Variants in PTPN23 observed in about 807,000 individuals in gnomAD.
PTPN23 encodes the protein protein tyrosine phosphatase non-receptor type 23, also known as tyrosine-protein phosphatase non-receptor type 23.
In PTPN23, 72 loss-of-function variants were observed where a neutral mutation model predicts 156.3. The ratio of observed to expected loss-of-function variants is 0.46; its 90% confidence interval spans 0.38 to 0.56. The LOEUF is 0.56. Among genes scored for constraint, PTPN23 ranks in the 20% least tolerant of loss-of-function variants. The pLI, the probability that PTPN23 is intolerant of heterozygous loss-of-function variation, is 0.00. For missense variants in PTPN23, 1,974 were observed against 2,171.5 expected, an observed-to-expected ratio of 0.91 and a Z score of 1.81; for synonymous variants, 957 against 899.6, an observed-to-expected ratio of 1.06 and a Z score of -1.14.
chr3:47,413,179 G>A lies in PTPN23; in HGVS notation c.4905G>A (p.Lys1635=). 1.2e-6 allele frequency: 2 copies of A among 1,608,728 alleles called. No individual in the cohort carries two copies. The highest frequency in any genetic ancestry group is 8.5e-7 in the Non-Finnish European group (1 of 1,177,388). ...TGGATCCACTCTGGACACTCAACAA[G>A]ACCTGAACAGGTTTTGCCTACCTGG... ...SLLDPLWTLN[K]T Residue 1635 remains lysine, a synonymous_variant, in exon 25 of 25, where the codon AAG becomes AAA. Coordinates refer to ENST00000265562, the MANE Select transcript of PTPN23 (RefSeq NM_015466.4).
intron 1 of PTPN23, among the ~76,000 whole-genome samples, chr3:47,385,576 G>A (rs1013209957): frequency 8.5e-5 from 13 of 152,160 alleles, no homozygotes; most frequent in African/African-American, 3.1e-4. Flanking sequence ...TACTTAGGAG[G>A]CTGAGGTGGG....
rs530166498 is a variant in PTPN23, at chr3:47,401,136, C to T, written c.160-3516C>T. Reference sequence around the variant, plus strand: ...CAGGGTGGTCTTGATCTCCTGACCTCGTGATCCGCCTGCCTCGGCCTCCCA... The same window carrying T: ...CAGGGTGGTCTTGATCTCCTGACCTTGTGATCCGCCTGCCTCGGCCTCCCA... On this transcript the variant is annotated intron_variant, in intron 2 of 24. Coordinates refer to ENST00000265562, the MANE Select transcript of PTPN23 (RefSeq NM_015466.4). Among the ~76,000 whole-genome samples the T allele has an allele frequency of 1.0e-3, 152 of 150,504 alleles. 3 individuals carry two copies. The highest frequency in any genetic ancestry group is 3.5e-3 in the African/African-American group (142 of 40,844).
At chr3:47,382,643 C>G (rs11708090) in intron 1 of PTPN23, among the ~76,000 whole-genome samples, 1 of 140,066 alleles carries the variant, frequency 7.1e-6, no homozygotes, top group Admixed American at 7.3e-5. Context: ...ATGAATTTTT[C>G]TAAGACACAA....
chr3:47,398,563 AG>A (rs978645545), intron 2 of PTPN23, among the ~76,000 whole-genome samples: 1 of 150,616 alleles, frequency 6.6e-6, no homozygotes, highest in Non-Finnish European at 1.5e-5. Flanking sequence ...GTAAACTTAA[AG>A]TTTTTTTTTT....
In PTPN23 at chr3:47,412,280, C is replaced by T; in HGVS notation, c.4179-3C>T. ...CCGGCCTCATAACCCCTTCTTGGCA[C>T]AGCTCTGGTGTGGGCCGCACGGGAG... On this transcript the variant is annotated splice_region_variant and splice_polypyrimidine_tract_variant and intron_variant, in intron 22 of 24. Transcript: ENST00000265562. 6.2e-7 allele frequency: 1 copy of T among 1,613,058 alleles called. No homozygotes were observed. The highest frequency in any genetic ancestry group is 1.1e-5 in the South Asian group (1 of 91,084).
rs775821845 is a variant in PTPN23 at position 47,409,776 on chromosome 3, G to A, written c.2071G>A (p.Glu691Lys). ...GGAGAGCAAGGTGGCTGCTCTGCTG[G>A]AGCGCACGCAGTCCACCTGCCAGGC... ...DLESKVAALLERTQSTCQARE... is the reference protein window; with the variant it reads ...DLESKVAALLKRTQSTCQARE... The change falls in exon 19 of 25, where the codon GAG becomes AAG. Residue 691 changes from glutamate to lysine, a missense_variant. Coordinates refer to ENST00000265562, the MANE Select transcript of PTPN23 (RefSeq NM_015466.4). 4 of 1,608,186 alleles carry A rather than the reference G, an allele frequency of 2.5e-6. No homozygotes were observed. The highest frequency in any genetic ancestry group is 3.4e-6 in the Non-Finnish European group (4 of 1,179,480).
Position 47,407,492 on chromosome 3 carries a change from T to C in PTPN23, c.924-13T>C, listed in dbSNP as rs1324240363. The C allele has an allele frequency of 6.8e-6, 11 of 1,613,442 alleles. No homozygotes were observed. The highest frequency in any genetic ancestry group is 9.3e-6 in the Non-Finnish European group (11 of 1,179,452). On this transcript the variant is annotated splice_polypyrimidine_tract_variant and intron_variant, in intron 11 of 24. Coordinates refer to ENST00000265562, the MANE Select transcript of PTPN23 (RefSeq NM_015466.4). The surrounding 1 kb of genome is among the most constrained non-coding windows in gnomAD (Gnocchi z 4.0). ...CCCCGTGACTGCCCACTCCCCCTGC[T>C]CCTGATCCCCAGGTACAATTCTGCC...
intron 1 of PTPN23, among the ~76,000 whole-genome samples, chr3:47,385,729 A>G (rs1488658971): frequency 6.6e-6 from 1 of 152,152 alleles, no homozygotes; most frequent in African/African-American, 2.4e-5. Flanking sequence ...CTAGTAATCT[A>G]CACAGTAACC....
intron 1 of PTPN23, among the ~76,000 whole-genome samples, chr3:47,390,595 A>G (rs1704753941): frequency 6.6e-6 from 1 of 152,122 alleles, no homozygotes; most frequent in Non-Finnish European, 1.5e-5. Flanking sequence ...AGAGTCCCAG[A>G]CCATAGCGAA....
At chr3:47,412,052 G>A in intron 21 of PTPN23, 42 bp from the exon 22 acceptor site, 1 of 1,611,462 alleles carries the variant, frequency 6.2e-7, no homozygotes, top group Non-Finnish European at 8.5e-7. Context: ...CTCAGGTCAG[G>A]CCTGGCTCAT....
intron 2 of PTPN23, among the ~76,000 whole-genome samples, chr3:47,399,704 T>C (rs1406010775): frequency 6.6e-6 from 1 of 152,222 alleles, no homozygotes; most frequent in African/African-American, 2.4e-5. Context: ...TTCAGACCTG[T>C]GCTTTTCCAG....
rs181985991 is a variant in PTPN23, at chr3:47,394,616, C to G, written c.85-1527C>G. On this transcript the variant is annotated intron_variant, in intron 1 of 24. Transcript: ENST00000265562. Reference sequence around the variant, plus strand: ...GGCCACCCAAAGTGTTGGGATTACACGCTTGAGCCACCTCACCCGGCCAGG... The same window carrying G: ...GGCCACCCAAAGTGTTGGGATTACAGGCTTGAGCCACCTCACCCGGCCAGG... Among the ~76,000 whole-genome samples the G allele has an allele frequency of 6.1e-3, 923 of 152,246 alleles. 9 individuals are homozygous for G. Among genetic ancestry groups the G allele is most frequent in the Middle Eastern group, 0.024 (7 of 294 alleles).
intron 1 of PTPN23, among the ~76,000 whole-genome samples, chr3:47,387,434 C>T (rs1418208101): frequency 6.8e-6 from 1 of 146,634 alleles, no homozygotes; most frequent in African/African-American, 2.5e-5. Context: ...AAAGGTCAGG[C>T]GTGGTGTGGT....
rs1245814840 is a variant in PTPN23 at position 47,412,171 on chromosome 3, T to C, written c.4151T>C (p.Leu1384Pro). The C allele has an allele frequency of 6.2e-7, 1 of 1,613,062 alleles. No homozygotes were observed. Among genetic ancestry groups the C allele is most frequent in the Non-Finnish European group, 8.5e-7 (1 of 1,180,028 alleles). ...VHAHYLHQRP[L>P]HTPIIVHCSS... ...GCACATTACCTGCATCAGCGGCCGC[T>C]GCACACGCCCATCATTGTGCACTGC... Residue 1384 changes from leucine to proline, a missense_variant, in exon 22 of 25, where the codon CTG becomes CCG. Physicochemically the swap from Leu to Pro is moderately conservative, Grantham distance 98. Transcript: ENST00000265562.
At position 47,408,928 on chromosome 3, in the gene PTPN23, A is replaced by G. The variant is rs1266701663; in HGVS notation, c.1483A>G (p.Arg495Gly). The stretch of plus-strand genomic sequence containing the variant: ...CTCCAAGGCTGAGCTGGCAGAGGTG[A>G]GGCGAGAATGGGCCAAGTACATGGA... ...ITSKAELAEV[R>G]REWAKYMEVH... The change falls in exon 16 of 25, where the codon AGG (arginine) becomes GGG (glycine). Residue 495 changes from arginine to glycine, a missense_variant. Around this residue, in one of 4 missense-constraint regions of PTPN23, gnomAD observed 726 missense variants for 929.5 expected, o/e 0.78. Coordinates refer to ENST00000265562, the MANE Select transcript of PTPN23 (RefSeq NM_015466.4). The G allele has an allele frequency of 2.5e-6, 4 of 1,614,242 alleles. No homozygotes were observed. The highest frequency in any genetic ancestry group is 3.4e-6 in the Non-Finnish European group (4 of 1,180,042).
intron 1 of PTPN23, among the ~76,000 whole-genome samples, chr3:47,382,877 AG>A (rs969086949): frequency 1.3e-5 from 2 of 150,276 alleles, no homozygotes; most frequent in African/African-American, 4.9e-5. Flanking sequence ...TTTAGTGGAG[AG>A]GGGGTTTCAT....
In PTPN23 at chr3:47,404,676, T is replaced by G. The variant is rs780952612; in HGVS notation, c.184T>G (p.Phe62Val). 3 of 1,613,978 alleles carry G rather than the reference T, an allele frequency of 1.9e-6. No homozygotes were observed. The highest frequency in any genetic ancestry group is 2.5e-6 in the Non-Finnish European group (3 of 1,179,990). ...RQNAVRVPRDFEGCSVLRKYL... is the reference protein window; with the variant it reads ...RQNAVRVPRDVEGCSVLRKYL... ...GAATGCTGTCCGTGTCCCACGAGAC[T>G]TTGAGGGCTGTAGTGTCCTCCGCAA... The change falls in exon 3 of 25, where the codon TTT becomes GTT. Residue 62 changes from phenylalanine to valine, a missense_variant. Phe to Val is a conservative substitution (Grantham distance 50, BLOSUM62 -1). Transcript: ENST00000265562.
At chr3:47,398,915 GC>G (rs1313477330) in intron 2 of PTPN23, among the ~76,000 whole-genome samples, 1 of 152,182 alleles carries the variant, frequency 6.6e-6, no homozygotes, top group Non-Finnish European at 1.5e-5. Flanking sequence ...ACCATTCCCT[GC>G]ACATGTGCAG....
At chr3:47,408,014 G>A in intron 14 of PTPN23, 59 bp downstream of exon 14, 5 of 1,568,616 alleles carry the variant, frequency 3.2e-6, no homozygotes, top group Non-Finnish European at 4.4e-6. Context: ...GGCCTCTGGG[G>A]GCCCCAGGGC....
Sources: gnomAD v4.1 joint callset for allele counts (sites outside exome capture counted in the v4.1 genomes callset) on GRCh38, gnomAD v4.1.1 for gene constraint, gnomAD v4.1.1 regional missense constraint, Gnocchi (gnomAD v3.1) non-coding constraint, MANE v1.5 for transcripts, NCBI Gene and HGNC (gene_info 2026-07-23, HGNC 2026-07-21) for gene names.